The following MTF2 variants were observed in gnomAD, a reference collection of about 807,000 sequenced individuals.
The protein encoded by MTF2 is metal-response element-binding transcription factor 2.
Under a neutral mutation model 79.5 loss-of-function variants are expected in MTF2, and 11 were observed. The ratio of observed to expected loss-of-function variants is 0.14; its 90% CI spans 0.09 to 0.23. The LOEUF (loss-of-function observed/expected upper bound fraction) is 0.23, where lower values mean the gene tolerates loss of function less well. Ranked by LOEUF, MTF2 falls within the 10% of genes least tolerant of loss-of-function variation. MTF2 has a pLI of 1.00. For synonymous variants in MTF2, 208 were observed against 232.8 expected (o/e 0.89, Z 0.97); for missense variants, 486 against 711.2 (o/e 0.68, Z 3.60).
intron 1 of MTF2, among the ~76,000 whole-genome samples, chr1:93,105,125 CAG>C (rs1268676168): frequency 8.6e-6 from 1 of 116,492 alleles, no homozygotes; most frequent in Admixed American, 1.2e-4. Flanking sequence ...GCCTGGGTGA[CAG>C]AGCGAGACTC....
intron 14 of MTF2, chr1:93,134,429 C>T: frequency 2.1e-6 from 1 of 470,352 alleles, no homozygotes. Flanking sequence ...TTGCTGTGTA[C>T]ACAGAGAAAA....
chr1:93,093,701 T>A (rs564396669), intron 1 of MTF2, among the ~76,000 whole-genome samples: 20 of 152,256 alleles, frequency 1.3e-4, no homozygotes, highest in South Asian at 2.1e-4. Flanking sequence ...ACTCTTTTTT[T>A]AAAAAAATAC....
In MTF2 at chr1:93,110,241, G is replaced by A. The variant is rs762923381; in HGVS notation, c.17G>A (p.Gly6Glu). The A allele has an allele frequency of 1.2e-6, 2 of 1,613,970 alleles. No homozygotes were observed. The highest frequency in any genetic ancestry group is 1.1e-5 in the South Asian group (1 of 91,072). The stretch of plus-strand genomic sequence containing the variant: ...TATTCTCTAAACAGAGACTCTACAG[G>A]GGCAGGTAATTCACTGGTCCACAAG... MRDSTGAGNSLVHKRS... is the reference protein window; with the variant it reads MRDSTEAGNSLVHKRS... The change falls in exon 2 of 15, where the codon GGG becomes GAG. Residue 6 changes from glycine to glutamate, a missense_variant. Transcript: ENST00000370298.
At chr1:93,126,872 A>G (rs6691556) in intron 9 of MTF2, among the ~76,000 whole-genome samples, 12,536 of 152,168 alleles carry the variant, frequency 0.082, 1,681 homozygotes, top group African/African-American at 0.28. Context: ...AAATAATTCT[A>G]ATGTATTATT....
chr1:93,133,622 A>G, intron 11 of MTF2, 81 bp from the exon 12 acceptor site: 1 of 705,800 alleles, frequency 1.4e-6, no homozygotes, highest in Non-Finnish European at 2.2e-6. Flanking sequence ...ATATATGTAT[A>G]TGTGTCTAGT....
At chr1:93,109,101 T>C (rs1655924236) in intron 1 of MTF2, among the ~76,000 whole-genome samples, 1 of 152,196 alleles carries the variant, frequency 6.6e-6, no homozygotes, top group Non-Finnish European at 1.5e-5. Flanking sequence ...TACTAAACTT[T>C]TATGCTGTTT....
rs760475703 is a variant in MTF2 at position 93,114,782 on chromosome 1, A to G, written c.381A>G (p.Gln127=). Residue 127 remains glutamine, a splice_region_variant and synonymous_variant, in exon 4 of 15, where the codon CAA becomes CAG. Coordinates refer to ENST00000370298, the MANE Select transcript of MTF2 (RefSeq NM_007358.4). ...NEMVICDKCG[Q]GYHQLCHTPH... is the part of the protein sequence containing the mutation. ...TGGTTATATGTGACAAGTGTGGCCA[A>G]GGTAACCATTGATTTCTTTTAATCT... is the stretch of plus-strand genomic sequence containing the variant. The G allele has an allele frequency of 6.3e-7, 1 of 1,599,224 alleles. No homozygotes were observed. Among genetic ancestry groups the G allele is most frequent in the South Asian group, 1.1e-5 (1 of 88,316 alleles).
At chr1:93,112,108 A>G (rs754118883) in intron 3 of MTF2, among the ~76,000 whole-genome samples, 1 of 152,266 alleles carries the variant, frequency 6.6e-6, no homozygotes, top group East Asian at 1.9e-4. Context: ...ATGTCAGTTT[A>G]ATGTTCTGTG....
At chr1:93,114,226 C>T (rs932176434) in intron 3 of MTF2, among the ~76,000 whole-genome samples, 2 of 152,068 alleles carry the variant, frequency 1.3e-5, no homozygotes, top group South Asian at 2.1e-4. Flanking sequence ...CTGAATTGAG[C>T]GAGAAAGAGG....
At chr1:93,087,405 C>G (rs1011129500) in intron 1 of MTF2, among the ~76,000 whole-genome samples, 33 of 152,110 alleles carry the variant, frequency 2.2e-4, no homozygotes, top group Admixed American at 1.0e-3. Flanking sequence ...AACCCCATCT[C>G]TACTAAAAAT....
At chr1:93,086,128 C>T (rs9440145) in intron 1 of MTF2, among the ~76,000 whole-genome samples, 152,162 of 152,324 alleles carry the variant, frequency 1, 76,000 homozygotes, top group Non-Finnish European at 1. Flanking sequence ...GGGACCACTG[C>T]TGTATATGTA....
intron 1 of MTF2, among the ~76,000 whole-genome samples, chr1:93,084,590 A>G (rs964990392): frequency 6.6e-6 from 1 of 152,210 alleles, no homozygotes; most frequent in Non-Finnish European, 1.5e-5. Context: ...AAGACTTGCC[A>G]TTTTAATATT....
In MTF2 at chr1:93,110,311, C is replaced by T. The variant is rs776422711; in HGVS notation, c.87C>T (p.Thr29=). The change falls in exon 2 of 15, where the codon ACC becomes ACT. Residue 29 remains threonine, a synonymous_variant. Transcript: ENST00000370298. Reference sequence around the variant, plus strand: ...ACCAAAAGACCCCAACATCCTTGACCAAGCTGTCTTTACAGGATGGACATA... The same window carrying T: ...ACCAAAAGACCCCAACATCCTTGACTAAGCTGTCTTTACAGGATGGACATA... The part of the protein sequence containing the change: ...RRNQKTPTSL[T]KLSLQDGHKA... The T allele has an allele frequency of 6.2e-6, 10 of 1,614,008 alleles. No individual in the cohort carries two copies. The East Asian group carries it at 2.0e-4, about 32-fold the overall frequency.
intron 11 of MTF2, among the ~76,000 whole-genome samples, chr1:93,130,611 A>T (rs1445357529): frequency 6.6e-6 from 1 of 152,004 alleles, no homozygotes; most frequent in African/African-American, 2.4e-5. Context: ...TGCTGTTTTG[A>T]GAATGGATAG....
chr1:93,100,991 C>T (rs1472470370), intron 1 of MTF2, among the ~76,000 whole-genome samples: 1 of 152,228 alleles, frequency 6.6e-6, no homozygotes, highest in Middle Eastern at 3.4e-3. Context: ...CTACTTTTCC[C>T]AGGGAAGGGA....
At chr1:93,088,815 C>A (rs896325598) in intron 1 of MTF2, among the ~76,000 whole-genome samples, 1 of 152,048 alleles carries the variant, frequency 6.6e-6, no homozygotes, top group Non-Finnish European at 1.5e-5. Context: ...GATCTGCCTG[C>A]CTCAGCCTAC....
intron 1 of MTF2, among the ~76,000 whole-genome samples, chr1:93,100,363 G>A (rs1655477568): frequency 6.6e-6 from 1 of 152,168 alleles, no homozygotes; most frequent in Non-Finnish European, 1.5e-5. Flanking sequence ...GGAGTGCAGT[G>A]GCATGATCTC....
chr1:93,107,093 T>C (rs1655826108), intron 1 of MTF2, among the ~76,000 whole-genome samples: 1 of 152,212 alleles, frequency 6.6e-6, no homozygotes, highest in Non-Finnish European at 1.5e-5. Flanking sequence ...TTAGATAAAA[T>C]TGCTTTGTGC....
intron 6 of MTF2, 55 bp from the exon 7 acceptor site, chr1:93,118,290 A>T (rs1212382315): frequency 7.1e-6 from 8 of 1,131,578 alleles, no homozygotes; most frequent in Non-Finnish European, 8.8e-6. Flanking sequence ...TAAAGAAATG[A>T]ACCTTTCCCT....
Sources: allele counts gnomAD v4.1 joint callset (sites outside exome capture counted in the v4.1 genomes callset), GRCh38; gene constraint gnomAD v4.1.1; transcripts MANE v1.5; gene names NCBI Gene and HGNC (gene_info 2026-07-23, HGNC 2026-07-21).